DNAJC1: variants seen among roughly 807,000 people sequenced by gnomAD.
DNAJC1 encodes the protein DnaJ heat shock protein family (Hsp40) member C1, also known as dnaJ homolog subfamily C member 1.
DNAJC1 carries 58 observed loss-of-function variants against 76.6 expected under a neutral mutation model. The ratio of observed to expected loss-of-function variants is 0.76; its 90% CI spans 0.61 to 0.94. The LOEUF is 0.94. DNAJC1 is among the 40% of genes least tolerant of loss of function. DNAJC1 has a pLI of 0.00. For missense variants in DNAJC1, 689 were observed against 677.3 expected (o/e 1.02, Z -0.19); for synonymous variants, 258 against 267.9 (o/e 0.96, Z 0.36).
At chr10:21,990,387 C>A (rs1838309132) in intron 1 of DNAJC1, among the ~76,000 whole-genome samples, 2 of 151,846 alleles carry the variant, frequency 1.3e-5, no homozygotes. Flanking sequence ...TAAAAAAAGG[C>A]CTTACTGTGT....
chr10:21,837,724 C>T (rs566393612), intron 8 of DNAJC1, among the ~76,000 whole-genome samples: 51 of 151,134 alleles, frequency 3.4e-4, no homozygotes, highest in African/African-American at 1.1e-3. Flanking sequence ...GCAGCCGCCC[C>T]GTCCGGGAAG....
At chr10:21,776,333 T>C (rs1398238937) in intron 9 of DNAJC1, among the ~76,000 whole-genome samples, 1 of 152,190 alleles carries the variant, frequency 6.6e-6, no homozygotes, top group Admixed American at 6.5e-5. Flanking sequence ...AGGTAACTCA[T>C]AAAATAAGTA....
At chr10:21,840,833 C>T (rs1186646788) in intron 8 of DNAJC1, among the ~76,000 whole-genome samples, 3 of 152,136 alleles carry the variant, frequency 2.0e-5, no homozygotes, top group East Asian at 1.9e-4. Context: ...GGAGGCATCA[C>T]ACTACCTGAC....
intron 8 of DNAJC1, among the ~76,000 whole-genome samples, chr10:21,810,044 C>T (rs1834939812): frequency 1.3e-5 from 2 of 152,016 alleles, no homozygotes; most frequent in Admixed American, 1.3e-4. Context: ...GGGCCCCACC[C>T]TTCCGACTTC....
chr10:21,892,366 C>A (rs1430291974), intron 7 of DNAJC1, among the ~76,000 whole-genome samples: 1 of 151,208 alleles, frequency 6.6e-6, no homozygotes, highest in African/African-American at 2.4e-5. Flanking sequence ...AACACACACA[C>A]ACACACACAC....
At chr10:21,757,185 G>A (rs1462615823) in intron 11 of DNAJC1, among the ~76,000 whole-genome samples, 3 of 152,172 alleles carry the variant, frequency 2.0e-5, no homozygotes, top group Admixed American at 6.5e-5. Flanking sequence ...GACCTTTCCC[G>A]TGGGGAGCCA....
At chr10:21,801,486 A>C (rs1211013618) in intron 9 of DNAJC1, among the ~76,000 whole-genome samples, 1 of 152,146 alleles carries the variant, frequency 6.6e-6, no homozygotes, top group Non-Finnish European at 1.5e-5. Context: ...AAAAATAACA[A>C]ATGCTGGCAA....
intron 1 of DNAJC1, among the ~76,000 whole-genome samples, chr10:21,929,793 A>C (rs1252263216): frequency 6.6e-6 from 1 of 152,228 alleles, no homozygotes; most frequent in Non-Finnish European, 1.5e-5. Flanking sequence ...AATTTGCCCA[A>C]TATTTATGTA....
intron 9 of DNAJC1, among the ~76,000 whole-genome samples, chr10:21,777,684 A>T (rs749552579): frequency 6.6e-5 from 10 of 152,246 alleles, no homozygotes; most frequent in Non-Finnish European, 1.3e-4. Flanking sequence ...GCTAAACCAA[A>T]AGGGCAACAT....
intron 1 of DNAJC1, among the ~76,000 whole-genome samples, chr10:21,969,223 C>CAAAA: frequency 1.1e-5 from 1 of 87,066 alleles, no homozygotes; most frequent in Non-Finnish European, 2.3e-5. Flanking sequence ...GACTCCATTT[C>CAAAA]AAAAAAAAAA....
At chr10:21,886,237 T>A (rs1190542850) in intron 7 of DNAJC1, among the ~76,000 whole-genome samples, 1 of 152,066 alleles carries the variant, frequency 6.6e-6, no homozygotes, top group Non-Finnish European at 1.5e-5. Context: ...CTAGAAGAGA[T>A]GGATAAATTC....
chr10:21,981,616 G>C (rs1396121312), intron 1 of DNAJC1, among the ~76,000 whole-genome samples: 1 of 151,984 alleles, frequency 6.6e-6, no homozygotes, highest in Non-Finnish European at 1.5e-5. Flanking sequence ...TTGTAAAATG[G>C]GGAAAAAATG....
At chr10:21,973,339 A>G (rs1415140517) in intron 1 of DNAJC1, among the ~76,000 whole-genome samples, 4 of 152,248 alleles carry the variant, frequency 2.6e-5, no homozygotes, top group Non-Finnish European at 4.4e-5. Context: ...ATGGCCGTCT[A>G]TGAAGAAAGT....
intron 3 of DNAJC1, among the ~76,000 whole-genome samples, chr10:21,925,330 C>A (rs1020070116): frequency 6.6e-6 from 1 of 151,988 alleles, no homozygotes; most frequent in African/African-American, 2.4e-5. Flanking sequence ...GTATGTGGTC[C>A]CCCATTGAGT....
At chr10:21,926,246 C>A (rs964893138) in intron 3 of DNAJC1, among the ~76,000 whole-genome samples, 1 of 151,798 alleles carries the variant, frequency 6.6e-6, no homozygotes, top group Non-Finnish European at 1.5e-5. Context: ...GCCACTGTAC[C>A]CAGCCAGCCT....
At chr10:21,836,844 T>A (rs1335380588) in intron 8 of DNAJC1, among the ~76,000 whole-genome samples, 1 of 152,152 alleles carries the variant, frequency 6.6e-6, no homozygotes, top group Non-Finnish European at 1.5e-5. Context: ...CTGAGTGACC[T>A]ACAAAGAGAC....
At chr10:21,879,951 T>G (rs1442662433) in intron 8 of DNAJC1, among the ~76,000 whole-genome samples, 2 of 152,338 alleles carry the variant, frequency 1.3e-5, no homozygotes, top group South Asian at 4.1e-4. Context: ...CTCTGTAGCA[T>G]GTGATGCTGC....
chr10:21,760,005 T>C (rs1834222684), intron 10 of DNAJC1, among the ~76,000 whole-genome samples: 1 of 152,170 alleles, frequency 6.6e-6, no homozygotes, highest in Admixed American at 6.5e-5. Context: ...AAGACAAAAA[T>C]CAACTGGTCA....
intron 1 of DNAJC1, among the ~76,000 whole-genome samples, chr10:21,956,222 C>A (rs1837679096): frequency 1.3e-5 from 2 of 152,092 alleles, no homozygotes; most frequent in African/African-American, 4.8e-5. Context: ...TATCCTTTTA[C>A]CAGGAACCCA....
Sources: allele counts gnomAD v4.1 joint callset (sites outside exome capture counted in the v4.1 genomes callset), GRCh38; gene constraint gnomAD v4.1.1; transcripts MANE v1.5; gene names NCBI Gene and HGNC (gene_info 2026-07-23, HGNC 2026-07-21).